Variants in GDAP1 observed in about 807,000 individuals in gnomAD.
GDAP1 encodes ganglioside-induced differentiation-associated protein 1.
In GDAP1, 34 loss-of-function variants were observed where a neutral mutation model predicts 40.1. The ratio of observed to expected loss-of-function variants is 0.85; its 90% CI spans 0.64 to 1.13. The LOEUF is 1.13. Ranked by LOEUF, GDAP1 falls within the 50% of genes most tolerant of loss-of-function variation. GDAP1 has a pLI of 0.00. For synonymous variants in GDAP1, 170 were observed against 157.4 expected (o/e 1.08, Z -0.60); for missense variants, 374 against 433.7 (o/e 0.86, Z 1.22).
chr8:74,395,252 C>G (rs1036185837), intron 2 of GDAP1, among the ~76,000 whole-genome samples: 2 of 152,092 alleles, frequency 1.3e-5, no homozygotes, highest in Non-Finnish European at 1.5e-5. Context: ...AAATGTGGTG[C>G]AATTTAGTGT....
At chr8:74,460,839 A>G (rs969908675) in intron 2 of GDAP1, among the ~76,000 whole-genome samples, 1 of 152,192 alleles carries the variant, frequency 6.6e-6, no homozygotes, top group African/African-American at 2.4e-5. Context: ...AAACAGGTGG[A>G]GGAGAAAGAG....
chr8:74,363,042 A>T lies in GDAP1; in HGVS notation c.683A>T (p.Glu228Val), dbSNP rs765785596. ...GAAACTGAATTGCAAAGAAGAAATG[A>T]AGAAACCCCAGGTAGGTTCTCATTT... ...QVETELQRRN[E>V]ETPEEGQQPW... The change falls in exon 5 of 6, where the codon GAA (glutamate) becomes GTA (valine). Residue 228 changes from glutamate to valine, a missense_variant. Glu to Val is a moderately radical substitution (Grantham distance 121). Coordinates refer to ENST00000220822, the MANE Select transcript of GDAP1 (RefSeq NM_018972.4). 7.1e-7 allele frequency: 1 copy of T among 1,410,868 alleles called. No individual in the cohort carries two copies. The highest frequency in any genetic ancestry group is 1.0e-6 in the Non-Finnish European group (1 of 994,522). The allele number at this position is 1,410,868 out of a possible 1,614,324, so 87.4% of individuals were successfully genotyped here.
chr8:74,459,600 A>C (rs1487980468), intron 2 of GDAP1, among the ~76,000 whole-genome samples: 4 of 152,186 alleles, frequency 2.6e-5, no homozygotes, highest in Non-Finnish European at 5.9e-5. Context: ...AACTAATACT[A>C]TTTAGGGACT....
intron 2 of GDAP1, among the ~76,000 whole-genome samples, chr8:74,425,056 A>T (rs548253466): frequency 4.6e-5 from 7 of 152,194 alleles, no homozygotes; most frequent in Non-Finnish European, 5.9e-5. Context: ...CAGCAGCTGC[A>T]GTATCTTCAT....
chr8:74,362,586 A>G (rs970201427), intron 4 of GDAP1, among the ~76,000 whole-genome samples: 1 of 151,918 alleles, frequency 6.6e-6, no homozygotes, highest in African/African-American at 2.4e-5. Flanking sequence ...CTCATCCCTG[A>G]CCCTTCAGCT....
At chr8:74,403,428 A>G (rs1805590505) in intron 2 of GDAP1, among the ~76,000 whole-genome samples, 1 of 150,206 alleles carries the variant, frequency 6.7e-6, no homozygotes, top group Admixed American at 6.6e-5. Context: ...GCATGTTTAC[A>G]TGTTTTATTT....
At chr8:74,400,692 A>G (rs1159171211) in intron 2 of GDAP1, among the ~76,000 whole-genome samples, 20 of 148,774 alleles carry the variant, frequency 1.3e-4, no homozygotes, top group Admixed American at 1.1e-3. Context: ...GGCTGGTACC[A>G]GTTGTTCCTT....
At chr8:74,401,024 A>G (rs1483307600) in intron 2 of GDAP1, among the ~76,000 whole-genome samples, 3 of 149,116 alleles carry the variant, frequency 2.0e-5, no homozygotes, top group African/African-American at 7.8e-5. Context: ...TCTGACAATT[A>G]TGTGTCTTGG....
At chr8:74,468,169 TG>T (rs1004627865) in intron 2 of GDAP1, among the ~76,000 whole-genome samples, 2 of 152,010 alleles carry the variant, frequency 1.3e-5, no homozygotes, top group Non-Finnish European at 2.9e-5. Flanking sequence ...TAAATTACGG[TG>T]GTGTTTTAAT....
At position 74,400,164 on chromosome 8, in the gene GDAP1, A is replaced by G. The variant is rs1413599613; in HGVS notation, c.165+48843A>G. Among the ~76,000 whole-genome samples the G allele has an allele frequency of 3.3e-5, 5 of 149,596 alleles. 1 individual carries two copies. Among genetic ancestry groups the G allele is most frequent in the South Asian group, 2.1e-4 (1 of 4,820 alleles). On this transcript the variant is annotated intron_variant, in intron 2 of 2. Coordinates refer to the GDAP1 transcript ENST00000523640. ...TGACCGTGGGGTGTTAAAGTCTCCT[A>G]TGATTATTGTGTGGGAGTCTAAGTC...
intron 3 of GDAP1, among the ~76,000 whole-genome samples, chr8:74,360,706 AT>A (rs1809320231): frequency 6.6e-6 from 1 of 152,186 alleles, no homozygotes; most frequent in Admixed American, 6.5e-5. Context: ...TGTTTTCGTT[AT>A]TTGAGGAAAC....
chr8:74,402,755 A>G (rs919947487), intron 2 of GDAP1, among the ~76,000 whole-genome samples: 1 of 150,476 alleles, frequency 6.6e-6, no homozygotes, highest in African/African-American at 2.5e-5. Flanking sequence ...TTTACTTTAA[A>G]TATAAACAAA....
intron 2 of GDAP1, among the ~76,000 whole-genome samples, chr8:74,412,066 G>C (rs1221133525): frequency 6.7e-6 from 1 of 149,798 alleles, no homozygotes; most frequent in Non-Finnish European, 1.5e-5. Context: ...TGAGATAAAA[G>C]TTGGGACATT....
In GDAP1 at chr8:74,366,159, A is replaced by C; in HGVS notation, c.*1792A>C. ...CTGAATCATAGGGAATCTTTCTAGAATGTGTTTATAATTTCCTTGTACAGT... is the reference window on the plus strand; with the variant it reads ...CTGAATCATAGGGAATCTTTCTAGACTGTGTTTATAATTTCCTTGTACAGT... On this transcript the variant is annotated 3_prime_UTR_variant, in exon 6 of 6. Coordinates refer to ENST00000220822, the MANE Select transcript of GDAP1 (RefSeq NM_018972.4). 2.2e-6 allele frequency: 1 copy of C among 453,306 alleles called. No individual in the cohort carries two copies. 28.1% of individuals were successfully genotyped at this position (453,306 alleles called of 1,614,324 possible).
chr8:74,391,821 A>G (rs1226435685), intron 2 of GDAP1, among the ~76,000 whole-genome samples: 1 of 152,090 alleles, frequency 6.6e-6, no homozygotes, highest in African/African-American at 2.4e-5. Flanking sequence ...ATATAAGAAT[A>G]TGCAATTTTT....
At chr8:74,402,159 GGAGCCTAC>G (rs1470405277) in intron 2 of GDAP1, among the ~76,000 whole-genome samples, 1 of 150,486 alleles carries the variant, frequency 6.6e-6, no homozygotes, top group African/African-American at 2.5e-5. Flanking sequence ...CCCCAGAGGT[GGAGCCTAC>G]AGAGGCAGGC....
At chr8:74,412,552 G>T (rs1468267970) in intron 2 of GDAP1, among the ~76,000 whole-genome samples, 2 of 150,030 alleles carry the variant, frequency 1.3e-5, no homozygotes, top group Admixed American at 1.3e-4. Flanking sequence ...CAGCAGATTT[G>T]TCAACAAAAA....
At chr8:74,435,461 C>G (rs1407941035) in intron 2 of GDAP1, among the ~76,000 whole-genome samples, 1 of 152,182 alleles carries the variant, frequency 6.6e-6, no homozygotes, top group African/African-American at 2.4e-5. Flanking sequence ...CTGTGCCTGT[C>G]TTTGCTTCTT....
intron 2 of GDAP1, among the ~76,000 whole-genome samples, chr8:74,358,563 G>A (rs960810254): frequency 5.9e-5 from 9 of 152,172 alleles, no homozygotes; most frequent in African/African-American, 2.2e-4. Context: ...GCCTGGTTAA[G>A]CACAATCCCA....
Sources: gnomAD v4.1 joint callset for allele counts (sites outside exome capture counted in the v4.1 genomes callset) on GRCh38, gnomAD v4.1.1 for gene constraint, MANE v1.5 for transcripts, NCBI Gene and HGNC (gene_info 2026-07-23, HGNC 2026-07-21) for gene names.